GRID2: variants seen among roughly 807,000 people sequenced by gnomAD.
GRID2 encodes the protein glutamate receptor ionotropic, delta-2.
A neutral mutation model predicts 114.8 loss-of-function variants in GRID2; 33 were observed. That is an observed-to-expected ratio of 0.29 (90% confidence interval 0.22 to 0.38). The LOEUF (loss-of-function observed/expected upper bound fraction) is 0.38, where lower values mean the gene tolerates loss of function less well. GRID2 is among the 10% of genes least tolerant of loss of function. The probability of loss-of-function intolerance (pLI) is 1.00; values close to 1 mark genes in which losing one functional copy is unlikely to be tolerated. For synonymous variants in GRID2, 505 were observed against 449.9 expected (o/e 1.12, Z -1.55); for missense variants, 1,184 against 1,257.7 (o/e 0.94, Z 0.89).
rs188464474 is a variant in GRID2 at position 93,723,659 on chromosome 4, A to G, written c.2361-45551A>G. Among the ~76,000 whole-genome samples, 181 of 152,358 alleles carry G rather than the reference A, an allele frequency of 1.2e-3. 1 individual carries two copies. The highest frequency in any genetic ancestry group is 4.2e-3 in the African/African-American group (175 of 41,590). Reference sequence around the variant, plus strand: ...TTACTATTTCCCCCAGGGGATATAAAGATACCATCAATATGTATAATTTGA... The same window carrying G: ...TTACTATTTCCCCCAGGGGATATAAGGATACCATCAATATGTATAATTTGA... On this transcript the variant is annotated intron_variant, in intron 14 of 15. Coordinates refer to ENST00000282020, the MANE Select transcript of GRID2 (RefSeq NM_001510.4).
chr4:93,114,337 C>G (rs1733040718), intron 4 of GRID2, among the ~76,000 whole-genome samples: 3 of 152,148 alleles, frequency 2.0e-5, no homozygotes, highest in Admixed American at 6.5e-5. Context: ...ATCTTAACTT[C>G]TCACCTTGTC....
intron 1 of GRID2, 57 bp downstream of exon 1, chr4:92,304,801 T>C: frequency 2.4e-6 from 3 of 1,255,672 alleles, no homozygotes; most frequent in Non-Finnish European, 3.5e-6. Flanking sequence ...TCTCAAATGT[T>C]TCCCCTTCGC....
chr4:92,896,980 G>T (rs1747212451), intron 2 of GRID2, among the ~76,000 whole-genome samples: 1 of 152,012 alleles, frequency 6.6e-6, no homozygotes. Flanking sequence ...GACCTCAAGT[G>T]ATCCACCTTC....
intron 1 of GRID2, among the ~76,000 whole-genome samples, chr4:92,428,343 G>T (rs1431383055): frequency 1.3e-5 from 2 of 151,942 alleles, no homozygotes; most frequent in Non-Finnish European, 2.9e-5. Flanking sequence ...AGAATTTACT[G>T]GAGGCATTGT....
At chr4:93,433,388 A>G (rs996888555) in intron 10 of GRID2, among the ~76,000 whole-genome samples, 10 of 152,204 alleles carry the variant, frequency 6.6e-5, no homozygotes, top group African/African-American at 2.2e-4. Context: ...CAGAAAGCAC[A>G]TGTAATTGAC....
intron 13 of GRID2, among the ~76,000 whole-genome samples, chr4:93,546,339 C>T (rs1238993835): frequency 6.6e-6 from 1 of 152,114 alleles, no homozygotes; most frequent in Non-Finnish European, 1.5e-5. Flanking sequence ...TATCAGAATA[C>T]AGATGGTATT....
intron 14 of GRID2, among the ~76,000 whole-genome samples, chr4:93,727,775 G>T (rs1560949924): frequency 6.6e-6 from 1 of 152,212 alleles, no homozygotes; most frequent in Non-Finnish European, 1.5e-5. Context: ...TATTCACATA[G>T]AGGTGTTTGT....
intron 13 of GRID2, among the ~76,000 whole-genome samples, chr4:93,547,051 C>T (rs1249450649): frequency 2.0e-5 from 3 of 152,198 alleles, no homozygotes; most frequent in Non-Finnish European, 4.4e-5. Flanking sequence ...TGCCATAGCA[C>T]ACAGCCAGCC....
chr4:93,033,740 C>T (rs1724657627), intron 2 of GRID2, among the ~76,000 whole-genome samples: 2 of 151,790 alleles, frequency 1.3e-5, no homozygotes, highest in African/African-American at 4.8e-5. Flanking sequence ...ATTTGTTTTC[C>T]ATTTGAAGAG....
rs535720986 is a variant in GRID2, at chr4:92,866,171, GTGT to G, written c.245-218820_245-218818del. Among the ~76,000 whole-genome samples the G allele has an allele frequency of 9.8e-5, 15 of 152,304 alleles. No individual in the cohort carries two copies. The South Asian group carries it at 2.5e-3, about 25-fold the overall frequency. On this transcript the variant is annotated intron_variant, in intron 2 of 15. Coordinates refer to ENST00000282020, the MANE Select transcript of GRID2 (RefSeq NM_001510.4). ...ATAGTGAGAGGAATATTGTGAGGAAGTGTTGTCAGAACTTCAGTAGGATTTTAC... is the reference window on the plus strand; with the variant it reads ...ATAGTGAGAGGAATATTGTGAGGAAGTGTCAGAACTTCAGTAGGATTTTAC...
intron 1 of GRID2, among the ~76,000 whole-genome samples, chr4:92,389,865 ATTAAT>A (rs1200575304): frequency 1.3e-5 from 2 of 152,102 alleles, no homozygotes; most frequent in Non-Finnish European, 2.9e-5. Flanking sequence ...AAGGTTCATT[ATTAAT>A]GTGGGTAAGA....
intron 8 of GRID2, among the ~76,000 whole-genome samples, chr4:93,391,927 G>A (rs2149324703): frequency 6.6e-6 from 1 of 152,146 alleles, no homozygotes; most frequent in African/African-American, 2.4e-5. Context: ...AAAGCACTAG[G>A]CATTTTAAGG....
chr4:93,582,896 G>A (rs142506122), intron 13 of GRID2, among the ~76,000 whole-genome samples: 1,808 of 152,176 alleles, frequency 0.012, 19 homozygotes, highest in Non-Finnish European at 0.018. Context: ...CAAGCTTCCT[G>A]GCTCAAAATA....
At chr4:93,726,404 G>A (rs1334665115) in intron 14 of GRID2, among the ~76,000 whole-genome samples, 2 of 152,200 alleles carry the variant, frequency 1.3e-5, no homozygotes, top group Admixed American at 6.5e-5. Flanking sequence ...AGTATAGTTT[G>A]AAGTCAGGTA....
intron 2 of GRID2, among the ~76,000 whole-genome samples, chr4:92,751,694 A>T (rs1270048535): frequency 6.6e-6 from 1 of 152,194 alleles, no homozygotes; most frequent in Non-Finnish European, 1.5e-5. Context: ...GTAGGCACTA[A>T]CAGTTTCTAG....
intron 13 of GRID2, among the ~76,000 whole-genome samples, chr4:93,581,108 C>A (rs956418004): frequency 1.3e-5 from 2 of 149,412 alleles, no homozygotes; most frequent in East Asian, 2.0e-4. Flanking sequence ...CCCCCACCCC[C>A]CAACAGCCCC....
chr4:93,555,400 T>C (rs1221003979), intron 13 of GRID2, among the ~76,000 whole-genome samples: 4 of 152,164 alleles, frequency 2.6e-5, no homozygotes, highest in Non-Finnish European at 5.9e-5. Context: ...CAAGTCGACC[T>C]GGGATGCTCG....
intron 2 of GRID2, among the ~76,000 whole-genome samples, chr4:92,948,814 A>G (rs1201248768): frequency 6.6e-6 from 1 of 152,048 alleles, no homozygotes; most frequent in East Asian, 1.9e-4. Context: ...ATCACATGAG[A>G]ATGAAATCTA....
chr4:92,460,725 A>C (rs950313974), intron 1 of GRID2, among the ~76,000 whole-genome samples: 8 of 152,100 alleles, frequency 5.3e-5, no homozygotes, highest in Non-Finnish European at 1.0e-4. Context: ...CTCATTTTGA[A>C]AGTCTAAACT....
Sources: gnomAD v4.1 joint callset for allele counts (sites outside exome capture counted in the v4.1 genomes callset) on GRCh38, gnomAD v4.1.1 for gene constraint, MANE v1.5 for transcripts, NCBI Gene and HGNC (gene_info 2026-07-23, HGNC 2026-07-21) for gene names.